The following CLVS1 variants were observed in gnomAD, a reference collection of about 807,000 sequenced individuals.
CLVS1 encodes the protein clavesin-1.
CLVS1 carries 10 observed loss-of-function variants against 33.1 expected under a neutral mutation model. That is an observed-to-expected ratio of 0.30 (90% CI 0.19 to 0.51). The LOEUF (loss-of-function observed/expected upper bound fraction) is 0.51, where lower values mean the gene tolerates loss of function less well. Ranked by LOEUF, CLVS1 falls within the 20% of genes least tolerant of loss-of-function variation. CLVS1 has a pLI of 0.97. For synonymous variants in CLVS1, 163 were observed against 166.1 expected (o/e 0.98, Z 0.14); for missense variants, 343 against 433.4 (o/e 0.79, Z 1.85).
intron 1 of CLVS1, among the ~76,000 whole-genome samples, chr8:61,067,025 TG>T (rs35690788): frequency 1.7e-4 from 26 of 149,640 alleles, no homozygotes; most frequent in Admixed American, 4.0e-4. Context: ...GAGCCATAAA[TG>T]GGGGGGGAGG....
intron 2 of CLVS1, among the ~76,000 whole-genome samples, chr8:61,180,164 A>G (rs1271512361): frequency 6.6e-6 from 1 of 152,222 alleles, no homozygotes; most frequent in Non-Finnish European, 1.5e-5. Flanking sequence ...GGATATCATA[A>G]CTGACCCCAG....
chr8:61,400,779 G>A (rs539920921), intron 3 of CLVS1, among the ~76,000 whole-genome samples: 5 of 152,122 alleles, frequency 3.3e-5, no homozygotes, highest in South Asian at 2.1e-4. Context: ...TTTCTGTGTC[G>A]ATTGAGATAA....
chr8:61,415,958 A>C (rs1815413994), intron 3 of CLVS1, among the ~76,000 whole-genome samples: 1 of 152,188 alleles, frequency 6.6e-6, no homozygotes, highest in Admixed American at 6.5e-5. Flanking sequence ...AGCACAAAAC[A>C]AAGCCTGGTG....
intron 2 of CLVS1, among the ~76,000 whole-genome samples, chr8:61,143,977 C>T (rs1163522327): frequency 6.6e-6 from 1 of 150,926 alleles, no homozygotes; most frequent in African/African-American, 2.4e-5. Context: ...GTTTGAATTA[C>T]CTAAACTAGA....
At chr8:61,343,163 A>G (rs1487865408) in intron 2 of CLVS1, among the ~76,000 whole-genome samples, 1 of 152,250 alleles carries the variant, frequency 6.6e-6, no homozygotes, top group Non-Finnish European at 1.5e-5. Context: ...GTTAAAATAC[A>G]TAAAAGCACT....
At chr8:61,372,066 T>C (rs1585876074) in intron 2 of CLVS1, among the ~76,000 whole-genome samples, 1 of 152,324 alleles carries the variant, frequency 6.6e-6, no homozygotes, top group East Asian at 1.9e-4. Flanking sequence ...ATAAATGCTA[T>C]GCAAATTATA....
chr8:61,403,831 A>T (rs773531705), intron 3 of CLVS1, among the ~76,000 whole-genome samples: 1 of 152,194 alleles, frequency 6.6e-6, no homozygotes, highest in Non-Finnish European at 1.5e-5. Context: ...CCACGAAAAC[A>T]TGTAGAAAGG....
At chr8:61,266,705 C>T (rs1809310279) in intron 2 of CLVS1, among the ~76,000 whole-genome samples, 1 of 152,196 alleles carries the variant, frequency 6.6e-6, no homozygotes, top group Non-Finnish European at 1.5e-5. Flanking sequence ...GCTTCACTCT[C>T]CCTATGCAAT....
At chr8:61,115,036 G>A in intron 1 of CLVS1, among the ~76,000 whole-genome samples, 1 of 152,212 alleles carries the variant, frequency 6.6e-6, no homozygotes, top group East Asian at 1.9e-4. Flanking sequence ...AAAAGTGATT[G>A]TATAACTTTT....
At chr8:61,363,264 T>G (rs1813058143) in intron 2 of CLVS1, among the ~76,000 whole-genome samples, 1 of 152,210 alleles carries the variant, frequency 6.6e-6, no homozygotes, top group Non-Finnish European at 1.5e-5. Context: ...ATTTTCTCCT[T>G]GTGTGAGAAT....
At chr8:60,975,662 A>G in the CLVS1 span, among the ~76,000 whole-genome samples, 2 of 152,216 alleles carry the variant, frequency 1.3e-5, no homozygotes, top group African/African-American at 4.8e-5. Context: ...AACTGTGAGA[A>G]CATAATTTCT....
intron 3 of CLVS1, among the ~76,000 whole-genome samples, chr8:61,430,758 G>A (rs111504142): frequency 0.025 from 3,878 of 152,190 alleles, 85 homozygotes; most frequent in Middle Eastern, 0.058. Context: ...GACAAATATG[G>A]GCGCCATTGA....
At chr8:61,437,299 G>A (rs1327525064) in intron 3 of CLVS1, among the ~76,000 whole-genome samples, 1 of 152,198 alleles carries the variant, frequency 6.6e-6, no homozygotes, top group Non-Finnish European at 1.5e-5. Context: ...GAACTGTACT[G>A]TGAACAAGGG....
chr8:61,388,479 CT>C (rs1212792629), intron 3 of CLVS1, among the ~76,000 whole-genome samples: 3 of 151,464 alleles, frequency 2.0e-5, no homozygotes, highest in Non-Finnish European at 2.9e-5. Flanking sequence ...AATTTTGAGC[CT>C]AAAAAATGCA....
rs1015719939 is a variant in CLVS1 at position 61,202,606 on chromosome 8, A to G, written c.-152+70746A>G. 3.5e-6 allele frequency: 5 copies of G among 1,415,932 alleles called. No individual in the cohort carries two copies. The African/African-American group carries it at 4.2e-5, about 12-fold the overall frequency. The allele number at this position is 1,415,932 out of a possible 1,614,324, so 87.7% of individuals were successfully genotyped here. A position where few individuals can be genotyped will look rare whatever the true frequency, so the allele number is the denominator to read the frequency against. On this transcript the variant is annotated intron_variant, in intron 2 of 2. Coordinates refer to the CLVS1 transcript ENST00000522621. ...AACTTTGAAAATGTCTGTACAGCCA[A>G]CGGTTTCCCTTGGGGGCTTTGAAAC...
At chr8:61,444,866 G>A (rs1585983624) in intron 3 of CLVS1, among the ~76,000 whole-genome samples, 1 of 152,292 alleles carries the variant, frequency 6.6e-6, no homozygotes, top group East Asian at 1.9e-4. Context: ...AACTGACCCT[G>A]GGGTGATTAG....
chr8:61,474,138 T>C (rs1216147957), intron 5 of CLVS1, among the ~76,000 whole-genome samples: 1 of 152,142 alleles, frequency 6.6e-6, no homozygotes, highest in African/African-American at 2.4e-5. Context: ...TTGAATGTCA[T>C]ACAGCGCAAG....
intron 3 of CLVS1, among the ~76,000 whole-genome samples, chr8:61,435,918 A>G (rs1341433546): frequency 6.6e-6 from 1 of 152,212 alleles, no homozygotes; most frequent in Non-Finnish European, 1.5e-5. Context: ...ACAATTGTTC[A>G]TTGCAGAAAA....
At chr8:61,361,055 G>T (rs1563516102) in intron 2 of CLVS1, among the ~76,000 whole-genome samples, 2 of 152,134 alleles carry the variant, frequency 1.3e-5, no homozygotes, top group Admixed American at 6.5e-5. Context: ...AAGGAAGAGA[G>T]AAAAGGGGGA....
Sources: allele counts gnomAD v4.1 joint callset (sites outside exome capture counted in the v4.1 genomes callset), GRCh38; gene constraint gnomAD v4.1.1; transcripts MANE v1.5; gene names NCBI Gene and HGNC (gene_info 2026-07-23, HGNC 2026-07-21).